The following CNPY3 variants were observed in gnomAD, a reference collection of about 807,000 sequenced individuals.
The protein encoded by CNPY3 is canopy FGF signaling regulator 3.
In CNPY3, 20 loss-of-function variants were observed where a neutral mutation model predicts 32.0. The ratio of observed to expected loss-of-function variants is 0.63; its 90% CI spans 0.44 to 0.91. The LOEUF (loss-of-function observed/expected upper bound fraction) is 0.91, where lower values mean the gene tolerates loss of function less well. Among genes scored for constraint, CNPY3 ranks in the 40% least tolerant of loss-of-function variants. CNPY3 has a pLI of 0.00. For synonymous variants in CNPY3, 138 were observed against 142.9 expected, an observed-to-expected ratio of 0.97 and a Z score of 0.24; for missense variants, 299 against 340.8, an observed-to-expected ratio of 0.88 and a Z score of 0.97.
In CNPY3 at chr6:42,938,344, G is replaced by A. The variant is rs1354318902; in HGVS notation, c.613+137G>A. On this transcript the variant is annotated intron_variant, in intron 5 of 5. Coordinates refer to ENST00000372836, the MANE Select transcript of CNPY3 (RefSeq NM_006586.5). ...TGCCCTTGAAAGGCTTGATTGGCAA[G>A]ACATGGTGAAGTAAGAGTCACTGAA... 6.0e-6 allele frequency: 5 copies of A among 827,608 alleles called. No individual in the cohort carries two copies. The African/African-American group carries it at 6.7e-5, about 11-fold the overall frequency. The allele number at this position is 827,608 out of a possible 1,614,324, so 51.3% of individuals were successfully genotyped here.
rs904398375 is a variant in CNPY3, at chr6:42,939,152, G to A, written c.*361G>A. The A allele has an allele frequency of 1.7e-5, 18 of 1,059,344 alleles. No individual in the cohort carries two copies. The African/African-American group carries it at 2.2e-4, about 13-fold the overall frequency. 65.6% of individuals were successfully genotyped at this position (1,059,344 alleles called of 1,614,324 possible). The stretch of plus-strand genomic sequence containing the variant: ...CCATCCCTCAGTCCTCCCCAACAGG[G>A]TACTAGGACTGCAGCCCCCTGTAGC... On this transcript the variant is annotated 3_prime_UTR_variant, in exon 6 of 6. Coordinates refer to ENST00000372836, the MANE Select transcript of CNPY3 (RefSeq NM_006586.5).
chr6:42,929,338 C>T (rs1767570626), upstream of CNPY3: 7 of 553,416 alleles, frequency 1.3e-5, no homozygotes, highest in African/African-American at 3.9e-5. Flanking sequence ...AGATAGTCTT[C>T]CCATTAGCTA....
At chr6:42,929,089 A>C (rs1368973800), upstream of CNPY3, 2 of 155,836 alleles carry the variant, frequency 1.3e-5, no homozygotes, top group African/African-American at 4.8e-5. Context: ...TTGCGGCATT[A>C]GGACCCCAGG....
intron 3 of CNPY3, 122 bp from the exon 4 acceptor site, chr6:42,937,595 A>T: frequency 2.1e-6 from 2 of 968,324 alleles, no homozygotes; most frequent in Non-Finnish European, 3.1e-6. Flanking sequence ...AAAAAAAAGG[A>T]TGAGGATCCT....
At position 42,937,706 on chromosome 6, in the gene CNPY3, G is replaced by A. The variant is rs1490066539; in HGVS notation, c.373-11G>A. The A allele has an allele frequency of 1.9e-6, 3 of 1,613,786 alleles. No homozygotes were observed. The highest frequency in any genetic ancestry group is 1.1e-5 in the South Asian group (1 of 91,070). On this transcript the variant is annotated splice_polypyrimidine_tract_variant and intron_variant, in intron 3 of 5. Coordinates refer to ENST00000372836, the MANE Select transcript of CNPY3 (RefSeq NM_006586.5). ...GGAGCTCCGCCTGCCATATCTGGTC[G>A]CTTCTTCCAGGGCATGTCAGAGACC... is the stretch of plus-strand genomic sequence containing the variant.
chr6:42,929,746 G>A, intron 1 of CNPY3, 25 bp downstream of exon 1: 1 of 1,533,344 alleles, frequency 6.5e-7, no homozygotes. Flanking sequence ...CCCGTGGGGC[G>A]TATCCTGCCG....
upstream of CNPY3, among the ~76,000 whole-genome samples, chr6:42,928,740 G>GTT (rs1767534396): frequency 1.3e-5 from 2 of 152,132 alleles, no homozygotes; most frequent in African/African-American, 2.4e-5. Flanking sequence ...GGCAGTAAAA[G>GTT]GGGCTGGGAT....
intron 1 of CNPY3, among the ~76,000 whole-genome samples, chr6:42,930,538 C>CAGAG (rs144576503): frequency 6.7e-6 from 1 of 150,334 alleles, no homozygotes. Flanking sequence ...TGAGGAACTA[C>CAGAG]AGAGAGAGAG....
In CNPY3 at chr6:42,939,005, C is replaced by T. The variant is rs1768430278; in HGVS notation, c.*214C>T. 93 of 1,342,838 alleles carry T rather than the reference C, an allele frequency of 6.9e-5. 3 individuals carry two copies. The South Asian group carries it at 1.8e-3, about 26-fold the overall frequency. The allele number at this position is 1,342,838 out of a possible 1,614,324, so 83.2% of individuals were successfully genotyped here. On this transcript the variant is annotated 3_prime_UTR_variant, in exon 6 of 6. Transcript: ENST00000372836. ...TTTCCCCTCCCCAAGTGTTTCTCTC[C>T]TGACCCAGGGTTCAGGCAGGCCTTG...
intron 1 of CNPY3, among the ~76,000 whole-genome samples, chr6:42,933,923 C>A (rs1768020490): frequency 6.6e-6 from 1 of 152,196 alleles, no homozygotes; most frequent in Admixed American, 6.5e-5. Flanking sequence ...GTAATCCCAG[C>A]ACTTTGTGAG....
chr6:42,933,792 G>A (rs963394875), intron 1 of CNPY3, among the ~76,000 whole-genome samples: 9 of 152,176 alleles, frequency 5.9e-5, no homozygotes, highest in Admixed American at 1.3e-4. Flanking sequence ...GAGAGAATGT[G>A]GCAAACTATT....
At chr6:42,938,262 T>C in intron 5 of CNPY3, 55 bp downstream of exon 5, 1 of 1,340,496 alleles carries the variant, frequency 7.5e-7, no homozygotes, top group Non-Finnish European at 1.1e-6. Context: ...TTGCTCTCCC[T>C]TGGGGGAGGT....
In CNPY3 at chr6:42,929,697, G is replaced by C. The variant is rs747129286; in HGVS notation, c.127G>C (p.Val43Leu). ...SQAGAEENDWVRLPSKCEVCK... is the reference protein window; with the variant it reads ...SQAGAEENDWLRLPSKCEVCK... ...GGCCGGAGCTGAGGAGAACGACTGG[G>C]TTCGCCTGCCCAGCAAATGCGAAGG... Residue 43 changes from valine (V) to leucine (L), a missense_variant, in exon 1 of 6, where the codon GTT becomes CTT. Val to Leu is a conservative substitution (Grantham distance 32). This residue lies in a region of CNPY3 where 88 missense variants were observed against 62.5 expected (regional missense o/e 1.41). Coordinates refer to ENST00000372836, the MANE Select transcript of CNPY3 (RefSeq NM_006586.5). The C allele has an allele frequency of 6.5e-7, 1 of 1,549,440 alleles. No homozygotes were observed. The highest frequency in any genetic ancestry group is 1.2e-5 in the South Asian group (1 of 84,082).
Position 42,938,656 on chromosome 6 carries a change from G to GGCAGCAGGCGGCAGGAGTA in CNPY3, c.710_728dup (p.Ser243ArgfsTer5). 6.2e-7 allele frequency: 1 copy of GGCAGCAGGCGGCAGGAGTA among 1,613,180 alleles called. No homozygotes were observed. The highest frequency in any genetic ancestry group is 8.5e-7 in the Non-Finnish European group (1 of 1,179,618). ...CCAAGAAGAAGAGCAGCAGGGCCAA[G>GGCAGCAGGCGGCAGGAGTA]GCAGCAGGCGGCAGGAGTAGCAGCA... On this transcript the variant is annotated frameshift_variant, in exon 6 of 6. Coordinates refer to ENST00000372836, the MANE Select transcript of CNPY3 (RefSeq NM_006586.5). LOFTEE classifies it high-confidence loss of function.
At position 42,929,493 on chromosome 6, in the gene CNPY3, C is replaced by G. The variant is rs1020060572; in HGVS notation, c.-78C>G. The G allele has an allele frequency of 1.7e-5, 25 of 1,431,176 alleles. No homozygotes were observed. The African/African-American group carries it at 3.4e-4, about 19-fold the overall frequency. 88.7% of individuals were successfully genotyped at this position (1,431,176 alleles called of 1,614,324 possible). ...GGAGGCACGTGTGCAGTCCCGGAAGCGGCGAGGGGAAACTGCTCCGCGCGC... is the reference window on the plus strand; with the variant it reads ...GGAGGCACGTGTGCAGTCCCGGAAGGGGCGAGGGGAAACTGCTCCGCGCGC... On this transcript the variant is annotated 5_prime_UTR_variant, in exon 1 of 6. Coordinates refer to ENST00000372836, the MANE Select transcript of CNPY3 (RefSeq NM_006586.5).
chr6:42,935,433 G>C (rs1768147406), intron 2 of CNPY3, 141 bp from the exon 3 acceptor site: 1 of 1,346,346 alleles, frequency 7.4e-7, no homozygotes, highest in Non-Finnish European at 9.6e-7. Context: ...CCCCAGACCA[G>C]ATGACCTATC....
chr6:42,929,385 C>T (rs1351503231), upstream of CNPY3: 6 of 638,804 alleles, frequency 9.4e-6, no homozygotes, highest in African/African-American at 1.1e-4. Flanking sequence ...GCTGCGCCGT[C>T]CGCGGGCCTT....
At chr6:42,929,843 A>G (rs901197122) in intron 1 of CNPY3, 122 bp downstream of exon 1, 5 of 1,188,930 alleles carry the variant, frequency 4.2e-6, no homozygotes, top group African/African-American at 3.1e-5. Flanking sequence ...CCTTCCTTGA[A>G]CAGGCTTGCG....
chr6:42,930,625 C>G (rs1003514401), intron 1 of CNPY3, among the ~76,000 whole-genome samples: 1 of 152,158 alleles, frequency 6.6e-6, no homozygotes, highest in African/African-American at 2.4e-5. Flanking sequence ...TAGTTTTCTC[C>G]TCAGACCTTA....
Sources: gnomAD v4.1 joint callset for allele counts (sites outside exome capture counted in the v4.1 genomes callset) on GRCh38, gnomAD v4.1.1 for gene constraint, gnomAD v4.1.1 regional missense constraint, MANE v1.5 for transcripts, NCBI Gene and HGNC (gene_info 2026-07-23, HGNC 2026-07-21) for gene names.